Variants in EI24 observed in about 807,000 individuals in gnomAD.
EI24 encodes etoposide-induced protein 2.4 homolog.
In EI24, 21 loss-of-function variants were observed where a neutral mutation model predicts 48.6. The observed-to-expected ratio is 0.43, with a 90% CI of 0.31 to 0.62. The LOEUF is 0.62. Among genes scored for constraint, EI24 ranks in the 20% least tolerant of loss-of-function variants. The pLI is 0.10. For synonymous variants in EI24, 114 were observed against 145.5 expected, an observed-to-expected ratio of 0.78 and a Z score of 1.56; for missense variants, 280 against 410.5, an observed-to-expected ratio of 0.68 and a Z score of 2.75.
In EI24 at chr11:125,583,669, A is replaced by G. The variant is rs2135878879; in HGVS notation, c.1009A>G (p.Thr337Ala). 1.2e-6 allele frequency: 2 copies of G among 1,612,500 alleles called. No homozygotes were observed. Among genetic ancestry groups the G allele is most frequent in the Non-Finnish European group, 1.7e-6 (2 of 1,179,290 alleles). Residue 337 changes from threonine to alanine, a missense_variant, in exon 11 of 11, where the codon ACT becomes GCT. Thr to Ala is a moderately conservative substitution (Grantham distance 58, BLOSUM62 0). Around this residue, in one of 3 missense-constraint regions of EI24, gnomAD observed 62 missense variants for 65.1 expected, o/e 0.95. Transcript: ENST00000278903. ...PHPSPAKLKATAGH is the reference protein window; with the variant it reads ...PHPSPAKLKAAAGH ...TCCGTCGCCTGCCAAACTGAAGGCT[A>G]CTGCAGGTCACTGAGTTGCCTGCCA...
At chr11:125,569,708 C>T (rs1938458221) in intron 1 of EI24, 135 bp downstream of exon 1, 1 of 317,396 alleles carries the variant, frequency 3.2e-6, no homozygotes. Context: ...TGGGAAGGGG[C>T]CGGAGGGAGC....
intron 8 of EI24, among the ~76,000 whole-genome samples, 158 bp downstream of exon 8, chr11:125,580,362 G>A (rs1029290929): frequency 5.3e-5 from 8 of 152,172 alleles, no homozygotes; most frequent in Non-Finnish European, 8.8e-5. Context: ...GGCTTAGTGG[G>A]TTTAACTCTC....
intron 9 of EI24, 133 bp downstream of exon 9, chr11:125,581,455 T>A (rs986206330): frequency 4.7e-5 from 21 of 451,192 alleles, no homozygotes; most frequent in Non-Finnish European, 8.0e-5. Flanking sequence ...AGGGTATTTC[T>A]ACATTTGTTA....
intron 9 of EI24, 135 bp downstream of exon 9, chr11:125,581,457 C>A: frequency 2.5e-5 from 9 of 355,574 alleles, no homozygotes; most frequent in Admixed American, 3.8e-5. Flanking sequence ...GGTATTTCTA[C>A]ATTTGTTAGC....
intron 5 of EI24, chr11:125,577,802 G>T: frequency 3.5e-6 from 2 of 564,240 alleles, no homozygotes; most frequent in African/African-American, 1.9e-5. Context: ...AGTTACCAAG[G>T]TTAAACCATT....
chr11:125,582,606 G>GTA (rs957748630), intron 10 of EI24, among the ~76,000 whole-genome samples, 186 bp downstream of exon 10: 16 of 152,144 alleles, frequency 1.1e-4, no homozygotes, highest in African/African-American at 3.4e-4. Flanking sequence ...ATGCACATGA[G>GTA]TATATATATA....
In EI24 at chr11:125,583,855, A is replaced by G. The variant is rs1939115523; in HGVS notation, c.*172A>G. 1 of 797,234 alleles carries G rather than the reference A, an allele frequency of 1.3e-6. No individual in the cohort carries two copies. The highest frequency in any genetic ancestry group is 2.0e-6 in the Non-Finnish European group (1 of 510,438). The allele number at this position is 797,234 out of a possible 1,614,324, so 49.4% of individuals were successfully genotyped here. A position where few individuals can be genotyped will look rare whatever the true frequency, so the allele number is the denominator to read the frequency against. ...TTTGTCTCTGGTGCACGTAAGGCAG[A>G]ATGTTCCCTGACACCAGTGTGTGGA... On this transcript the variant is annotated 3_prime_UTR_variant, in exon 11 of 11. Transcript: ENST00000278903.
At chr11:125,578,905 CA>C in intron 6 of EI24, 43 bp from the exon 7 acceptor site, 1 of 1,547,952 alleles carries the variant, frequency 6.5e-7, no homozygotes, top group Non-Finnish European at 8.7e-7. Flanking sequence ...GGATGTATAT[CA>C]AGGCCATTTA....
At chr11:125,572,604 G>A (rs777607612) in intron 2 of EI24, 35 bp downstream of exon 2, 25 of 1,594,058 alleles carry the variant, frequency 1.6e-5, no homozygotes, top group Admixed American at 7.0e-5. Flanking sequence ...TTCATCTCTC[G>A]GCCTTTTTTT....
In EI24 at chr11:125,580,130, G is replaced by A. The variant is rs963507559; in HGVS notation, c.599G>A (p.Gly200Asp). The A allele has an allele frequency of 1.9e-6, 3 of 1,613,714 alleles. No homozygotes were observed. Among genetic ancestry groups the A allele is most frequent in the Non-Finnish European group, 2.5e-6 (3 of 1,179,788 alleles). ...FVSLFPIHLV[G>D]QLVSLLHMSL... The stretch of plus-strand genomic sequence containing the variant: ...AGTCTCTTTCCCATCCATCTTGTCG[G>A]TCAGCTGGTTAGTCTCCTGCATATG... The change falls in exon 8 of 11, where the codon GGT (glycine) becomes GAT (aspartate). Residue 200 changes from glycine to aspartate, a missense_variant. Coordinates refer to ENST00000278903, the MANE Select transcript of EI24 (RefSeq NM_004879.5).
Position 125,583,603 on chromosome 11 carries a change from C to A in EI24, c.943C>A (p.Leu315Met). ...CAAGACAGTCTACCTGCAGTCGGCCCTGAGCAGCTCTACTTCTGCAGAGAA... is the reference window on the plus strand; with the variant it reads ...CAAGACAGTCTACCTGCAGTCGGCCATGAGCAGCTCTACTTCTGCAGAGAA... ...FHKTVYLQSA[L>M]SSSTSAEKFP... Residue 315 changes from leucine (L) to methionine (M), a missense_variant, in exon 11 of 11, where the codon CTG becomes ATG. Physicochemically the swap from Leu to Met is conservative, Grantham distance 15. This residue lies in a region of EI24 where 62 missense variants were observed against 65.1 expected (regional missense o/e 0.95). Coordinates refer to ENST00000278903, the MANE Select transcript of EI24 (RefSeq NM_004879.5). 1 of 1,613,262 alleles carries A rather than the reference C, an allele frequency of 6.2e-7. No homozygotes were observed. Among genetic ancestry groups the A allele is most frequent in the Non-Finnish European group, 8.5e-7 (1 of 1,179,784 alleles).
intron 3 of EI24, 96 bp from the exon 4 acceptor site, chr11:125,576,159 C>T (rs1487256402): frequency 4.2e-6 from 5 of 1,182,776 alleles, no homozygotes; most frequent in Non-Finnish European, 6.1e-6. Context: ...AAAAATAATA[C>T]AGTACCCACA....
intron 10 of EI24, 79 bp downstream of exon 10, chr11:125,582,499 T>TA (rs531417619): frequency 1.0e-2 from 9,225 of 924,990 alleles, no homozygotes; most frequent in East Asian, 0.012. Context: ...TGAGGCTTTT[T>TA]AAAAAAAAAA....
intron 7 of EI24, among the ~76,000 whole-genome samples, chr11:125,579,370 GAGAC>G (rs1938891554): frequency 6.7e-6 from 1 of 148,190 alleles, no homozygotes; most frequent in Admixed American, 6.8e-5. Flanking sequence ...TTTTTTTAAA[GAGAC>G]AGACGGGTCG....
At chr11:125,575,621 C>T (rs78682798) in intron 3 of EI24, among the ~76,000 whole-genome samples, 10,354 of 152,106 alleles carry the variant, frequency 0.068, 403 homozygotes, top group African/African-American at 0.1. Context: ...AATAGAGAAT[C>T]GCAAAATATT....
chr11:125,581,678 C>G (rs986544065), intron 9 of EI24, among the ~76,000 whole-genome samples: 2 of 148,684 alleles, frequency 1.3e-5, no homozygotes, highest in African/African-American at 2.5e-5. Flanking sequence ...TCCCAAGTAG[C>G]TGGGATTACA....
In EI24 at chr11:125,580,156, TC is replaced by T. The variant is rs766189075; in HGVS notation, c.628del (p.Leu210PhefsTer26). 4 of 1,613,898 alleles carry T rather than the reference TC, an allele frequency of 2.5e-6. No individual in the cohort carries two copies. The highest frequency in any genetic ancestry group is 3.4e-6 in the Non-Finnish European group (4 of 1,179,768). ...TCAGCTGGTTAGTCTCCTGCATATG[TC>T]CCTTCTCTACTCACTGTACTGCTTT... ...VGQLVSLLHMSLLYSLYCFEY... is the reference protein window; with the variant it reads ...VGQLVSLLHMXLLYSLYCFEY... On this transcript the variant is annotated frameshift_variant, in exon 8 of 11. Coordinates refer to ENST00000278903, the MANE Select transcript of EI24 (RefSeq NM_004879.5). LOFTEE classifies it high-confidence loss of function.
At chr11:125,582,287 T>G in intron 9 of EI24, 59 bp from the exon 10 acceptor site, 1 of 1,435,552 alleles carries the variant, frequency 7.0e-7, no homozygotes, top group Admixed American at 2.4e-5. Flanking sequence ...TAATATCTTC[T>G]TCAAAGTCAT....
chr11:125,575,556 T>C (rs1398773688), intron 3 of EI24, 148 bp downstream of exon 3: 1 of 970,232 alleles, frequency 1.0e-6, no homozygotes, highest in Non-Finnish European at 1.4e-6. Flanking sequence ...TGACTTAAAC[T>C]AGGGTCTAAC....
Sources: allele counts gnomAD v4.1 joint callset (sites outside exome capture counted in the v4.1 genomes callset), GRCh38; gene constraint gnomAD v4.1.1; regional missense constraint gnomAD v4.1.1; transcripts MANE v1.5; gene names NCBI Gene and HGNC (gene_info 2026-07-23, HGNC 2026-07-21).